Variants in LRRC37A2 observed in about 807,000 individuals in gnomAD.
LRRC37A2 encodes the protein leucine-rich repeat-containing protein 37A2.
A neutral mutation model predicts 68.8 loss-of-function variants in LRRC37A2; 9 were observed. The observed-to-expected ratio is 0.13, with a 90% CI of 0.08 to 0.23. The LOEUF (loss-of-function observed/expected upper bound fraction) is 0.23, where lower values mean the gene tolerates loss of function less well. Among genes scored for constraint, LRRC37A2 ranks in the 10% least tolerant of loss-of-function variants. The pLI is 1.00. For missense variants in LRRC37A2, 168 were observed against 950.4 expected, an observed-to-expected ratio of 0.18 and a Z score of 10.82; for synonymous variants, 63 against 367.6, an observed-to-expected ratio of 0.17 and a Z score of 9.48.
chr17:46,499,386 G>C, the LRRC37A2 span, among the ~76,000 whole-genome samples: 1 of 149,774 alleles, frequency 6.7e-6, no homozygotes, highest in East Asian at 2.0e-4. Flanking sequence ...ACATTTTATA[G>C]AAGTTGTTTT....
At chr17:47,033,429 C>T in the LRRC37A2 span, 2 of 690,702 alleles carry the variant, frequency 2.9e-6, no homozygotes, top group African/African-American at 3.5e-5. Flanking sequence ...CCAAGTACAT[C>T]GCGCATATTG....
At chr17:46,946,506 T>TG in the LRRC37A2 span, among the ~76,000 whole-genome samples, 1 of 128,192 alleles carries the variant, frequency 7.8e-6, no homozygotes, top group African/African-American at 2.6e-5. Context: ...ATTCCCTTTG[T>TG]GGAAAAAAAA....
the LRRC37A2 span, chr17:46,935,569 G>A: frequency 8.5e-7 from 1 of 1,170,958 alleles, no homozygotes; most frequent in South Asian, 2.6e-5. Flanking sequence ...GACCCCTACT[G>A]TGGACTGCCT....
chr17:46,965,321 C>T, the LRRC37A2 span, among the ~76,000 whole-genome samples: 2 of 152,232 alleles, frequency 1.3e-5, no homozygotes, highest in Non-Finnish European at 2.9e-5. Context: ...TGGTGCCCTG[C>T]TCATGACAAA....
chr17:46,895,132 C>T, the LRRC37A2 span, among the ~76,000 whole-genome samples: 3 of 152,210 alleles, frequency 2.0e-5, no homozygotes, highest in East Asian at 1.9e-4. Context: ...GCCCTCCCAG[C>T]GCCCGGCTGA....
the LRRC37A2 span, among the ~76,000 whole-genome samples, chr17:46,918,429 A>G: frequency 1.3e-5 from 2 of 152,164 alleles, no homozygotes; most frequent in Non-Finnish European, 2.9e-5. Flanking sequence ...CCACAAAAAC[A>G]TTTGCTTGGG....
At chr17:46,728,309 A>G in the LRRC37A2 span, among the ~76,000 whole-genome samples, 1 of 152,190 alleles carries the variant, frequency 6.6e-6, no homozygotes, top group East Asian at 1.9e-4. Flanking sequence ...CCATTTTCTA[A>G]CATCATGTTT....
chr17:46,976,886 TC>T, the LRRC37A2 span, among the ~76,000 whole-genome samples: 3 of 152,328 alleles, frequency 2.0e-5, no homozygotes, highest in African/African-American at 2.4e-5. Context: ...AGGCTGGACT[TC>T]CTGCAAGTCA....
At chr17:46,973,084 C>T in the LRRC37A2 span, 1 of 151,636 alleles carries the variant, frequency 6.6e-6, no homozygotes, top group East Asian at 2.1e-4. Context: ...ACTCGGAAAT[C>T]CCACTGAAGT....
the LRRC37A2 span, among the ~76,000 whole-genome samples, chr17:46,974,463 G>A: frequency 1.4e-4 from 22 of 152,176 alleles, no homozygotes; most frequent in Non-Finnish European, 2.6e-4. Flanking sequence ...CGCCGGGCGC[G>A]GTGGCTCACG....
At chr17:46,814,331 G>A in the LRRC37A2 span, among the ~76,000 whole-genome samples, 3 of 152,166 alleles carry the variant, frequency 2.0e-5, no homozygotes, top group East Asian at 1.9e-4. Context: ...TTATTATAAC[G>A]TTTGACCTGT....
At chr17:47,017,786 A>T in the LRRC37A2 span, 3 of 1,610,012 alleles carry the variant, frequency 1.9e-6, no homozygotes, top group Non-Finnish European at 1.7e-6. Context: ...TGCCTCCAGA[A>T]CTCCGGGTGA....
At chr17:46,541,810 A>T (rs544965988) in intron 8 of LRRC37A2, among the ~76,000 whole-genome samples, 1 of 151,046 alleles carries the variant, frequency 6.6e-6, no homozygotes, top group African/African-American at 2.5e-5. Context: ...GTATACAAAC[A>T]TTATGTCATT....
At chr17:46,751,913 T>G in the LRRC37A2 span, among the ~76,000 whole-genome samples, 13 of 152,168 alleles carry the variant, frequency 8.5e-5, no homozygotes, top group African/African-American at 3.1e-4. Flanking sequence ...TTCTGCCCCC[T>G]CATTTTGGAG....
chr17:46,610,003 TTC>T, the LRRC37A2 span, among the ~76,000 whole-genome samples: 2 of 114,356 alleles, frequency 1.7e-5, no homozygotes, highest in African/African-American at 6.8e-5. Context: ...TTTTCTTTCT[TTC>T]TCTCTTTCTT....
the LRRC37A2 span, among the ~76,000 whole-genome samples, chr17:46,633,891 G>A: frequency 2.9e-5 from 3 of 104,852 alleles, no homozygotes; most frequent in Non-Finnish European, 5.2e-5. Context: ...TTTTTTTTGA[G>A]ACAGAGTTTC....
the LRRC37A2 span, among the ~76,000 whole-genome samples, chr17:46,768,063 C>T: frequency 6.6e-6 from 1 of 152,232 alleles, no homozygotes; most frequent in South Asian, 2.1e-4. This position sits in a 1 kb window ranked among gnomAD's most constrained non-coding sequence, Gnocchi z 5.0. Flanking sequence ...GCTGGGATTA[C>T]AGGCGTGAGC....
chr17:46,817,622 A>C, the LRRC37A2 span, among the ~76,000 whole-genome samples: 1 of 135,188 alleles, frequency 7.4e-6, no homozygotes, highest in Non-Finnish European at 1.6e-5. Context: ...CAGGCCCCCC[A>C]GACACGCACA....
At chr17:46,864,853 C>T in the LRRC37A2 span, among the ~76,000 whole-genome samples, 1 of 152,158 alleles carries the variant, frequency 6.6e-6, no homozygotes, top group South Asian at 2.1e-4. Flanking sequence ...ATGCCCTTGC[C>T]CTCCTGCTTC....
Sources: gnomAD v4.1 joint callset for allele counts (sites outside exome capture counted in the v4.1 genomes callset) on GRCh38, gnomAD v4.1.1 for gene constraint, Gnocchi (gnomAD v3.1) non-coding constraint, MANE v1.5 for transcripts, NCBI Gene and HGNC (gene_info 2026-07-23, HGNC 2026-07-21) for gene names.